SLC22A16: variants seen among roughly 807,000 people sequenced by gnomAD.
The protein encoded by SLC22A16 is WUGSC:RG331P03.1.
SLC22A16 carries 53 observed loss-of-function variants against 52.9 expected under a neutral mutation model. The ratio of observed to expected loss-of-function variants is 1.00; its 90% CI spans 0.80 to 1.26. The LOEUF is 1.26. SLC22A16 is among the 50% of genes most tolerant of loss of function. The probability of loss-of-function intolerance (pLI) is 0.00; values close to 1 mark genes in which losing one functional copy is unlikely to be tolerated. For synonymous variants in SLC22A16, 291 were observed against 268.8 expected (o/e 1.08, Z -0.81); for missense variants, 726 against 704.0 (o/e 1.03, Z -0.35).
chr6:110,433,481 C>T (rs1195786954), intron 6 of SLC22A16, among the ~76,000 whole-genome samples: 1 of 152,198 alleles, frequency 6.6e-6, no homozygotes, highest in Non-Finnish European at 1.5e-5. Context: ...CTAGGTCCTA[C>T]ATCCCTCCTG....
chr6:110,451,777 T>G (rs569615686), intron 2 of SLC22A16, among the ~76,000 whole-genome samples: 5 of 152,208 alleles, frequency 3.3e-5, no homozygotes, highest in Non-Finnish European at 7.4e-5. Flanking sequence ...TGAAGTCAAA[T>G]TTATCCATTT....
In SLC22A16 at chr6:110,461,294, T is replaced by C. The variant is rs140305058; in HGVS notation, c.54-4277A>G. ...GAAGCCTTCTCACAGACCTCAGGAG[T>C]GGCCAGGAGCCAAAGGACAGTGTTT... On this transcript the variant is annotated intron_variant, in intron 1 of 7. Transcript: ENST00000368919. Among the ~76,000 whole-genome samples, 276 of 152,086 alleles carry C rather than the reference T, an allele frequency of 1.8e-3. 1 individual carries two copies. Among genetic ancestry groups the C allele is most frequent in the East Asian group, 8.7e-3 (45 of 5,176 alleles).
At chr6:110,432,990 C>T (rs187208174) in intron 6 of SLC22A16, among the ~76,000 whole-genome samples, 146 of 152,344 alleles carry the variant, frequency 9.6e-4, no homozygotes, top group African/African-American at 3.3e-3. Flanking sequence ...TGATGGGTCA[C>T]TGACTAGCCA....
At chr6:110,471,153 T>C (rs1282742369) in intron 1 of SLC22A16, among the ~76,000 whole-genome samples, 1 of 152,160 alleles carries the variant, frequency 6.6e-6, no homozygotes, top group Non-Finnish European at 1.5e-5. Context: ...AAGATTATAA[T>C]ATTAATATCA....
intron 3 of SLC22A16, among the ~76,000 whole-genome samples, chr6:110,446,001 T>C (rs996564406): frequency 5.9e-5 from 9 of 152,184 alleles, no homozygotes; most frequent in Admixed American, 3.3e-4. Context: ...AGAAACCCTT[T>C]CTATCCATCA....
chr6:110,443,655 T>C (rs1191332091), intron 3 of SLC22A16, among the ~76,000 whole-genome samples: 2 of 152,158 alleles, frequency 1.3e-5, no homozygotes, highest in South Asian at 2.1e-4. Flanking sequence ...AATTACAGCA[T>C]GATCCAGCAA....
In SLC22A16 at chr6:110,425,059, C is replaced by T. The variant is rs41288592; in HGVS notation, c.1548G>A (p.Leu516=). 28,295 of 1,614,142 alleles carry T rather than the reference C, an allele frequency of 0.018. 277 individuals carry two copies. The highest frequency in any genetic ancestry group is 0.021 in the Non-Finnish European group (24,639 of 1,180,034). Residue 516 remains leucine, a synonymous_variant, in exon 8 of 8, where the codon CTG becomes CTA. Transcript: ENST00000368919. ...GAAGCTTTAGTGTTAACACTCCACT[C>T]AGGAGGGCCATAGTCCCAACAAACA... ...PQLFVGTMAL[L]SGVLTLKLPE...
chr6:110,470,504 C>G (rs941499588), intron 1 of SLC22A16, among the ~76,000 whole-genome samples: 11 of 152,148 alleles, frequency 7.2e-5, no homozygotes, highest in African/African-American at 2.7e-4. Context: ...CCACTGACCC[C>G]ATTTCCAGCA....
chr6:110,438,316 C>G (rs953915404), intron 5 of SLC22A16, among the ~76,000 whole-genome samples: 6 of 152,010 alleles, frequency 3.9e-5, no homozygotes, highest in African/African-American at 1.5e-4. Flanking sequence ...GGATTATGAA[C>G]TTTTTATTTT....
At chr6:110,433,173 C>A (rs1774575527) in intron 6 of SLC22A16, among the ~76,000 whole-genome samples, 1 of 152,172 alleles carries the variant, frequency 6.6e-6, no homozygotes, top group African/African-American at 2.4e-5. Context: ...GACAACTGGG[C>A]TAATAGACAA....
At chr6:110,442,060 T>G (rs1345621692) in intron 4 of SLC22A16, among the ~76,000 whole-genome samples, 184 bp downstream of exon 4, 1 of 152,234 alleles carries the variant, frequency 6.6e-6, no homozygotes, top group Admixed American at 6.5e-5. Context: ...TCCCCTCATA[T>G]GTACATGTGT....
At chr6:110,440,333 C>G (rs950045870) in intron 4 of SLC22A16, 1 of 152,302 alleles carries the variant, frequency 6.6e-6, no homozygotes, top group African/African-American at 2.4e-5. Context: ...TCTGAAAGGG[C>G]ACAACCCAAA....
chr6:110,461,461 C>T (rs940176912), intron 1 of SLC22A16, among the ~76,000 whole-genome samples: 6 of 152,284 alleles, frequency 3.9e-5, no homozygotes, highest in African/African-American at 9.6e-5. Flanking sequence ...AAGGAAGGGG[C>T]TTCCACTCAT....
At chr6:110,457,792 G>C (rs1457337184) in intron 1 of SLC22A16, among the ~76,000 whole-genome samples, 1 of 152,210 alleles carries the variant, frequency 6.6e-6, no homozygotes, top group African/African-American at 2.4e-5. Flanking sequence ...GGTAATGCCA[G>C]TGTCTGGAAA....
intron 2 of SLC22A16, among the ~76,000 whole-genome samples, chr6:110,447,534 CT>C (rs1279266500): frequency 6.6e-6 from 1 of 152,134 alleles, no homozygotes; most frequent in Non-Finnish European, 1.5e-5. Context: ...AAAATTCAAC[CT>C]TTTAAAGTAG....
chr6:110,471,011 G>C (rs965838783), intron 1 of SLC22A16, among the ~76,000 whole-genome samples: 1 of 152,178 alleles, frequency 6.6e-6, no homozygotes, highest in Non-Finnish European at 1.5e-5. Context: ...CTCTCTGGCA[G>C]GGGACCACAT....
intron 7 of SLC22A16, among the ~76,000 whole-genome samples, chr6:110,427,860 A>T (rs529629465): frequency 6.6e-6 from 1 of 152,124 alleles, no homozygotes; most frequent in Non-Finnish European, 1.5e-5. Flanking sequence ...CATACCTGGC[A>T]TTTCCCCACT....
In SLC22A16 at chr6:110,456,788, T is replaced by A; in HGVS notation, c.283A>T (p.Ile95Phe). ...CTGCTACACCTTGAGAGCTCCCAGA[T>A]CTCACCATTCTGCAACTGCACCGTA... Reference protein sequence around the residue: ...YVTVQLQNGEIWELSRCSRNK... With the variant: ...YVTVQLQNGEFWELSRCSRNK... Residue 95 changes from isoleucine to phenylalanine, a missense_variant, in exon 2 of 8, where the codon ATC becomes TTC. Coordinates refer to ENST00000368919, the MANE Select transcript of SLC22A16 (RefSeq NM_033125.4). The A allele has an allele frequency of 6.2e-7, 1 of 1,614,160 alleles. No individual in the cohort carries two copies. The highest frequency in any genetic ancestry group is 8.5e-7 in the Non-Finnish European group (1 of 1,180,038).
At chr6:110,436,808 T>A (rs1329371772) in intron 5 of SLC22A16, among the ~76,000 whole-genome samples, 1 of 152,236 alleles carries the variant, frequency 6.6e-6, no homozygotes, top group East Asian at 1.9e-4. Flanking sequence ...GCAAAACCTT[T>A]ACCTCCACCT....
Sources: allele counts gnomAD v4.1 joint callset (sites outside exome capture counted in the v4.1 genomes callset), GRCh38; gene constraint gnomAD v4.1.1; transcripts MANE v1.5; gene names NCBI Gene and HGNC (gene_info 2026-07-23, HGNC 2026-07-21).